PXK: variants seen among roughly 807,000 people sequenced by gnomAD.
The protein encoded by PXK is PX domain-containing protein kinase-like protein.
Under a neutral mutation model 84.7 loss-of-function variants are expected in PXK, and 35 were observed. The ratio of observed to expected loss-of-function variants is 0.41; its 90% confidence interval spans 0.32 to 0.55. The LOEUF is 0.55. Among genes scored for constraint, PXK ranks in the 20% least tolerant of loss-of-function variants. The pLI, the probability that PXK is intolerant of heterozygous loss-of-function variation, is 0.21. For synonymous variants in PXK, 253 were observed against 260.8 expected, an observed-to-expected ratio of 0.97 and a Z score of 0.29; for missense variants, 634 against 699.7, an observed-to-expected ratio of 0.91 and a Z score of 1.06.
intron 13 of PXK, among the ~76,000 whole-genome samples, chr3:58,405,321 G>A (rs2059222884): frequency 6.6e-6 from 1 of 151,998 alleles, no homozygotes; most frequent in Non-Finnish European, 1.5e-5. Flanking sequence ...AAGACAAAAA[G>A]TTCAACATGA....
intron 1 of PXK, among the ~76,000 whole-genome samples, chr3:58,360,723 T>C (rs2098169152): frequency 6.6e-6 from 1 of 151,734 alleles, no homozygotes; most frequent in Middle Eastern, 3.2e-3. Context: ...TCCCAGCTAC[T>C]TGGGAGGTTG....
chr3:58,369,780 C>T (rs2098336626), intron 3 of PXK, among the ~76,000 whole-genome samples: 1 of 147,850 alleles, frequency 6.8e-6, no homozygotes, highest in Non-Finnish European at 1.5e-5. Flanking sequence ...GCCGAGATCG[C>T]ACCATTGCAC....
At chr3:58,424,245 A>G (rs12492472) in intron 17 of PXK, among the ~76,000 whole-genome samples, 3 of 152,092 alleles carry the variant, frequency 2.0e-5, no homozygotes, top group African/African-American at 7.2e-5. Flanking sequence ...GTCATTTTAC[A>G]TAAGATCACA....
At chr3:58,405,097 G>A (rs996106114) in intron 13 of PXK, among the ~76,000 whole-genome samples, 14 of 152,206 alleles carry the variant, frequency 9.2e-5, no homozygotes, top group Admixed American at 5.2e-4. Flanking sequence ...ATGCAGCAAA[G>A]ATAGTATGAT....
chr3:58,367,410 A>G (rs1270688919), intron 2 of PXK, among the ~76,000 whole-genome samples: 3 of 151,726 alleles, frequency 2.0e-5, no homozygotes, highest in Non-Finnish European at 4.4e-5. Flanking sequence ...ACGCCCAGCT[A>G]ATTTTTTTGT....
At chr3:58,372,989 GC>G (rs2108574851) in intron 3 of PXK, among the ~76,000 whole-genome samples, 1 of 152,214 alleles carries the variant, frequency 6.6e-6, no homozygotes, top group South Asian at 2.1e-4. Flanking sequence ...TGGGAACTGG[GC>G]AGAGAGAGAA....
At position 58,425,952 on chromosome 3, in the gene PXK, A is replaced by C. The variant is rs2062755693; in HGVS notation, c.*992A>C. ...CATCAGTGTTGGTTACTATGCAGAGAATGTCATTGTGTATAGTTTCATGTA... is the reference window on the plus strand; with the variant it reads ...CATCAGTGTTGGTTACTATGCAGAGCATGTCATTGTGTATAGTTTCATGTA... On this transcript the variant is annotated 3_prime_UTR_variant, in exon 18 of 18. Coordinates refer to ENST00000356151, the MANE Select transcript of PXK (RefSeq NM_017771.5). 3 of 152,232 alleles carry C rather than the reference A, an allele frequency of 2.0e-5. No homozygotes were observed. In the South Asian group the frequency reaches 6.2e-4, roughly 32 times the overall value. 9.4% of individuals were successfully genotyped at this position (152,232 alleles called of 1,614,324 possible).
intron 4 of PXK, among the ~76,000 whole-genome samples, chr3:58,389,985 G>T (rs1242187772): frequency 7.3e-5 from 8 of 109,280 alleles, no homozygotes; most frequent in Non-Finnish European, 1.4e-4. Context: ...GGTAACAAGA[G>T]TGAAACTCCG....
rs148376582 is a variant in PXK at position 58,373,317 on chromosome 3, C to T, written c.201+3839C>T. Among the ~76,000 whole-genome samples the T allele has an allele frequency of 9.0e-3, 1,362 of 152,124 alleles. 4 individuals carry two copies. Among genetic ancestry groups the T allele is most frequent in the Non-Finnish European group, 0.014 (962 of 67,974 alleles). ...ATGGTGATCTCCTGACCTCGTGATC[C>T]GCCCACCTTGGCCTCCCAAAGTGCT... is the stretch of plus-strand genomic sequence containing the variant. On this transcript the variant is annotated intron_variant, in intron 3 of 17. Coordinates refer to ENST00000356151, the MANE Select transcript of PXK (RefSeq NM_017771.5).
intron 13 of PXK, among the ~76,000 whole-genome samples, chr3:58,405,468 C>T (rs1298022724): frequency 1.3e-5 from 2 of 152,242 alleles, no homozygotes; most frequent in African/African-American, 4.8e-5. Context: ...CATTTGAGGT[C>T]AGGAGTTCCA....
At position 58,388,375 on chromosome 3, in the gene PXK, T is replaced by C. The variant is rs139506571; in HGVS notation, c.389-2207T>C. ...TTTTGTAGGGAATTCCGTGTCACTG[T>C]CGGTCTTTTAGAATGACATTGTACA... On this transcript the variant is annotated intron_variant, in intron 4 of 17. Coordinates refer to ENST00000356151, the MANE Select transcript of PXK (RefSeq NM_017771.5). Among the ~76,000 whole-genome samples the C allele has an allele frequency of 4.6e-3, 694 of 152,350 alleles. 4 individuals carry two copies. The highest frequency in any genetic ancestry group is 7.1e-3 in the Non-Finnish European group (486 of 68,032).
In PXK at chr3:58,333,318, G is replaced by A. The variant is rs2097529308; in HGVS notation, c.102+228G>A. Reference sequence around the variant, plus strand: ...GCCAAGGATGGGGACCGCAGCTCCCGGCGCCGCGGGGTGGAAGGAGCTCGG... The same window carrying A: ...GCCAAGGATGGGGACCGCAGCTCCCAGCGCCGCGGGGTGGAAGGAGCTCGG... On this transcript the variant is annotated intron_variant, in intron 1 of 17. Transcript: ENST00000356151. The surrounding 1 kb of genome is among the most constrained non-coding windows in gnomAD (Gnocchi z 5.4). 3.3e-6 allele frequency: 1 copy of A among 301,700 alleles called. No individual in the cohort carries two copies. Among genetic ancestry groups the A allele is most frequent in the Non-Finnish European group, 6.6e-6 (1 of 150,962 alleles). 18.7% of individuals were successfully genotyped at this position (301,700 alleles called of 1,614,324 possible).
chr3:58,423,599 T>G, intron 17 of PXK: 1 of 1,515,352 alleles, frequency 6.6e-7, no homozygotes, highest in Non-Finnish European at 8.8e-7. Flanking sequence ...CAGTCGTCCA[T>G]ACAAACTTAA....
At chr3:58,406,397 C>T (rs1210619802) in intron 13 of PXK, among the ~76,000 whole-genome samples, 1 of 151,716 alleles carries the variant, frequency 6.6e-6, no homozygotes, top group Non-Finnish European at 1.5e-5. Flanking sequence ...CCTGCCTCAG[C>T]CTGTTGAGTA....
At chr3:58,354,802 A>G (rs2098032632) in intron 1 of PXK, among the ~76,000 whole-genome samples, 1 of 152,058 alleles carries the variant, frequency 6.6e-6, no homozygotes, top group Non-Finnish European at 1.5e-5. Context: ...GCACATTAGT[A>G]TCAACTGAGG....
intron 17 of PXK, among the ~76,000 whole-genome samples, chr3:58,417,343 C>G (rs995332333): frequency 4.6e-5 from 7 of 152,184 alleles, no homozygotes; most frequent in African/African-American, 1.7e-4. Flanking sequence ...CCTTTCTTTC[C>G]GAAAGCATCG....
intron 7 of PXK, 89 bp downstream of exon 7, chr3:58,391,936 CAG>C (rs2106905275): frequency 8.3e-7 from 1 of 1,209,704 alleles, no homozygotes; most frequent in East Asian, 2.3e-5. Context: ...AGCTGGAAAA[CAG>C]AATGGGGAGA....
intron 17 of PXK, chr3:58,420,477 C>T: frequency 2.0e-6 from 3 of 1,522,042 alleles, no homozygotes; most frequent in Non-Finnish European, 2.6e-6. Context: ...TTAAATGACA[C>T]TAAAATCTGA....
rs1179598187 is a variant in PXK at position 58,390,560 on chromosome 3, G to A, written c.389-22G>A. The stretch of plus-strand genomic sequence containing the variant: ...CCTTTCCTGATATGTCTGACTAATG[G>A]GTTTCTAAAATGTCTTTGCAGAGAT... On this transcript the variant is annotated intron_variant, in intron 4 of 17. Transcript: ENST00000356151. This position sits in a 1 kb window ranked among gnomAD's most constrained non-coding sequence, Gnocchi z 4.2. 1 of 1,599,940 alleles carries A rather than the reference G, an allele frequency of 6.3e-7. No individual in the cohort carries two copies. The highest frequency in any genetic ancestry group is 8.6e-7 in the Non-Finnish European group (1 of 1,168,904).
Sources: gnomAD v4.1 joint callset for allele counts (sites outside exome capture counted in the v4.1 genomes callset) on GRCh38, gnomAD v4.1.1 for gene constraint, Gnocchi (gnomAD v3.1) non-coding constraint, MANE v1.5 for transcripts, NCBI Gene and HGNC (gene_info 2026-07-23, HGNC 2026-07-21) for gene names.